DNAJC10: variants seen among roughly 807,000 people sequenced by gnomAD.
DNAJC10 encodes DnaJ heat shock protein family (Hsp40) member C10, also known as endoplasmic reticulum disulfide reductase DNAJC10.
In DNAJC10, 101 loss-of-function variants were observed where a neutral mutation model predicts 115.0. The observed-to-expected ratio is 0.88, with a 90% CI of 0.75 to 1.04. The LOEUF is 1.04. DNAJC10 is among the 50% of genes least tolerant of loss of function. DNAJC10 has a pLI of 0.00. For synonymous variants in DNAJC10, 307 were observed against 301.5 expected, an observed-to-expected ratio of 1.02 and a Z score of -0.19; for missense variants, 981 against 928.8, an observed-to-expected ratio of 1.06 and a Z score of -0.73.
At chr2:182,773,050 G>C (rs1355934426) in intron 22 of DNAJC10, among the ~76,000 whole-genome samples, 2 of 151,728 alleles carry the variant, frequency 1.3e-5, no homozygotes, top group Admixed American at 6.6e-5. Context: ...GACAAAATCA[G>C]CATTTGCTTG....
intron 15 of DNAJC10, 39 bp from the exon 16 acceptor site, chr2:182,752,033 C>A: frequency 6.6e-7 from 1 of 1,506,488 alleles, no homozygotes; most frequent in South Asian, 1.1e-5. Flanking sequence ...TTTTTTGTGT[C>A]ATTTGGCTCG....
Position 182,762,820 on chromosome 2 carries a change from C to T in DNAJC10, c.2265+19C>T. 1 of 1,607,662 alleles carries T rather than the reference C, an allele frequency of 6.2e-7. No individual in the cohort carries two copies. Among genetic ancestry groups the T allele is most frequent in the African/African-American group, 1.3e-5 (1 of 74,844 alleles). On this transcript the variant is annotated intron_variant, in intron 22 of 23. Coordinates refer to ENST00000264065, the MANE Select transcript of DNAJC10 (RefSeq NM_018981.4). ...AGCAAAGGTATGTCCAGACTTTCCTCTGTTCCTTCCCTTAGTAGGCCAAGC... is the reference window on the plus strand; with the variant it reads ...AGCAAAGGTATGTCCAGACTTTCCTTTGTTCCTTCCCTTAGTAGGCCAAGC...
intron 22 of DNAJC10, among the ~76,000 whole-genome samples, chr2:182,774,313 ACTT>A (rs1694646649): frequency 6.6e-6 from 1 of 152,174 alleles, no homozygotes; most frequent in Admixed American, 6.5e-5. Context: ...TCAGGGACTC[ACTT>A]GAAGAGGCAG....
chr2:182,763,515 A>C (rs1185727527), intron 22 of DNAJC10, among the ~76,000 whole-genome samples: 2 of 152,070 alleles, frequency 1.3e-5, no homozygotes, highest in Non-Finnish European at 2.9e-5. Context: ...AGATGGCTTG[A>C]GGTCCAGTCG....
Position 182,751,727 on chromosome 2 carries a change from G to A in DNAJC10, c.1376G>A (p.Gly459Glu). The A allele has an allele frequency of 6.2e-7, 1 of 1,613,966 alleles. No homozygotes were observed. Among genetic ancestry groups the A allele is most frequent in the Non-Finnish European group, 8.5e-7 (1 of 1,179,922 alleles). ...GTGAATTCTCATGTTACCACGCTTG[G>A]ACCTCAAAATTTTCCTGCCAATGAC... ...ESVNSHVTTL[G>E]PQNFPANDKE... Residue 459 changes from glycine (G) to glutamate (E), a missense_variant, in exon 15 of 24, where the codon GGA becomes GAA. Physicochemically the swap from Gly to Glu is moderately conservative, Grantham distance 98. Transcript: ENST00000264065.
chr2:182,772,986 T>A (rs1344584427), intron 22 of DNAJC10, among the ~76,000 whole-genome samples: 1 of 152,240 alleles, frequency 6.6e-6, no homozygotes, highest in African/African-American at 2.4e-5. Context: ...TCCAGTTGTT[T>A]CTTCCCAAGT....
intron 11 of DNAJC10, among the ~76,000 whole-genome samples, chr2:182,739,225 C>CATATATATTTATATATATATATATCTCAT (rs1693667980): frequency 6.9e-6 from 1 of 143,966 alleles, no homozygotes; most frequent in Non-Finnish European, 1.5e-5. Flanking sequence ...TATAATATCT[C>CATATATATTTATATATATATATATCTCAT]ATATATATTT....
At chr2:182,776,139 TA>T (rs1261949860) in intron 23 of DNAJC10, among the ~76,000 whole-genome samples, 11 of 148,370 alleles carry the variant, frequency 7.4e-5, no homozygotes, top group East Asian at 1.9e-4. Context: ...ACAAAGCCAT[TA>T]AAAAAAAAAT....
rs1393788112 is a variant in DNAJC10 at position 182,791,665 on chromosome 2, T to C, written c.*14533T>C. ...AATGACTACTTTATTCTACCTCTCA[T>C]TTATTTTCTGTTTAATAAATCCAGT... On this transcript the variant is annotated 3_prime_UTR_variant, in exon 24 of 24. Coordinates refer to ENST00000264065, the MANE Select transcript of DNAJC10 (RefSeq NM_018981.4). 6.6e-6 allele frequency: 1 copy of C among 152,184 alleles called. No homozygotes were observed. Among genetic ancestry groups the C allele is most frequent in the Non-Finnish European group, 1.5e-5 (1 of 68,006 alleles). The allele number at this position is 152,184 out of a possible 1,614,324, so 9.4% of individuals were successfully genotyped here. A position where few individuals can be genotyped will look rare whatever the true frequency, so the allele number is the denominator to read the frequency against.
chr2:182,748,515 C>T (rs1156255542), intron 14 of DNAJC10, among the ~76,000 whole-genome samples: 3 of 152,232 alleles, frequency 2.0e-5, no homozygotes, highest in Non-Finnish European at 2.9e-5. Flanking sequence ...AGTTTATTTG[C>T]GTAGAGGTGT....
intron 11 of DNAJC10, 65 bp from the exon 12 acceptor site, chr2:182,740,234 A>C: frequency 4.1e-6 from 5 of 1,209,902 alleles, no homozygotes; most frequent in Non-Finnish European, 5.4e-6. Flanking sequence ...AATTGAAAAA[A>C]CAAAAGATAT....
At chr2:182,727,874 A>G (rs986085787) in intron 5 of DNAJC10, among the ~76,000 whole-genome samples, 1 of 152,236 alleles carries the variant, frequency 6.6e-6, no homozygotes, top group East Asian at 1.9e-4. Flanking sequence ...TGTAATTTGC[A>G]TCAGGTCATT....
Position 182,756,376 on chromosome 2 carries a change from A to G in DNAJC10, c.1716A>G (p.Gln572=), listed in dbSNP as rs762655948. Residue 572 remains glutamine, a synonymous_variant, in exon 18 of 24, where the codon CAA becomes CAG. Coordinates refer to ENST00000264065, the MANE Select transcript of DNAJC10 (RefSeq NM_018981.4). The part of the protein sequence containing the change: ...TPTTFNELVT[Q]RKHNEVWMVD... ...CCACCTTCAACGAACTAGTTACACA[A>G]AGAAAACACAACGAAGTCTGGATGG... The G allele has an allele frequency of 1.2e-6, 2 of 1,613,998 alleles. No individual in the cohort carries two copies. The highest frequency in any genetic ancestry group is 2.2e-5 in the South Asian group (2 of 91,072).
intron 10 of DNAJC10, among the ~76,000 whole-genome samples, chr2:182,733,781 TC>T (rs1693511762): frequency 1.1e-5 from 1 of 90,270 alleles, no homozygotes. Context: ...CCAATCTCTC[TC>T]AGATAGATAG....
At position 182,739,982 on chromosome 2, in the gene DNAJC10, T is replaced by G. The variant is rs988204441; in HGVS notation, c.988-317T>G. Reference sequence around the variant, plus strand: ...AGATAATGTGGTTTTTCTTGATGATTGGGAGGTCACTCAGGATTTTTCTGA... The same window carrying G: ...AGATAATGTGGTTTTTCTTGATGATGGGGAGGTCACTCAGGATTTTTCTGA... On this transcript the variant is annotated intron_variant, in intron 11 of 23. Coordinates refer to ENST00000264065, the MANE Select transcript of DNAJC10 (RefSeq NM_018981.4). The G allele has an allele frequency of 3.2e-5, 32 of 1,001,838 alleles. No individual in the cohort carries two copies. In the South Asian group the frequency reaches 7.5e-4, roughly 24 times the overall value. The allele number at this position is 1,001,838 out of a possible 1,614,324, so 62.1% of individuals were successfully genotyped here.
intron 10 of DNAJC10, among the ~76,000 whole-genome samples, chr2:182,734,887 T>C (rs1693547172): frequency 1.3e-5 from 2 of 151,852 alleles, no homozygotes; most frequent in South Asian, 4.1e-4. Flanking sequence ...ACCAGCTTTC[T>C]TTTGTTTAAT....
rs1432344596 is a variant in DNAJC10, at chr2:182,791,853, C to G, written c.*14721C>G. The G allele has an allele frequency of 2.0e-5, 3 of 152,116 alleles. No individual in the cohort carries two copies. The highest frequency in any genetic ancestry group is 4.8e-5 in the African/African-American group (2 of 41,418). The allele number at this position is 152,116 out of a possible 1,614,324, so 9.4% of individuals were successfully genotyped here. A position where few individuals can be genotyped will look rare whatever the true frequency, so the allele number is the denominator to read the frequency against. ...AATATGGAAATAGATACTAAAAAATCTAAATTGCATCTTACATTTCAACAA... is the reference window on the plus strand; with the variant it reads ...AATATGGAAATAGATACTAAAAAATGTAAATTGCATCTTACATTTCAACAA... On this transcript the variant is annotated 3_prime_UTR_variant, in exon 24 of 24. Transcript: ENST00000264065.
Position 182,778,404 on chromosome 2 carries a change from T to C in DNAJC10, c.*1272T>C, listed in dbSNP as rs113561329. On this transcript the variant is annotated 3_prime_UTR_variant, in exon 24 of 24. Transcript: ENST00000264065. ...GTTTAGACTCAAAGAATCACAAATT[T>C]GTCAGTAACATGTAGTTGTTTAGTT... The C allele has an allele frequency of 3.9e-5, 6 of 152,186 alleles. No individual in the cohort carries two copies. Among genetic ancestry groups the C allele is most frequent in the Non-Finnish European group, 8.8e-5 (6 of 68,030 alleles). The allele number at this position is 152,186 out of a possible 1,614,324, so 9.4% of individuals were successfully genotyped here. A position where few individuals can be genotyped will look rare whatever the true frequency, so the allele number is the denominator to read the frequency against.
At position 182,740,372 on chromosome 2, in the gene DNAJC10, C is replaced by G. The variant is rs201843743; in HGVS notation, c.1061C>G (p.Ser354Trp). 3 of 1,572,192 alleles carry G rather than the reference C, an allele frequency of 1.9e-6. No homozygotes were observed. The highest frequency in any genetic ancestry group is 2.4e-5 in the East Asian group (1 of 42,272). ...IHNLPDFELLSANTLEDRLAH... is the reference protein window; with the variant it reads ...IHNLPDFELLWANTLEDRLAH... ...AATCTTCCAGATTTTGAACTACTTT[C>G]GGCAAACACACTAGAGGTAATGTTT... is the stretch of plus-strand genomic sequence containing the variant. The change falls in exon 12 of 24, where the codon TCG becomes TGG. Residue 354 changes from serine (S) to tryptophan (W), a missense_variant. By Grantham distance (177) the Ser-to-Trp change is radical (BLOSUM62 -3). Transcript: ENST00000264065.
Sources: allele counts gnomAD v4.1 joint callset (sites outside exome capture counted in the v4.1 genomes callset), GRCh38; gene constraint gnomAD v4.1.1; transcripts MANE v1.5; gene names NCBI Gene and HGNC (gene_info 2026-07-23, HGNC 2026-07-21).